Variants in CABCOCO1 observed in about 807,000 individuals in gnomAD.
CABCOCO1 encodes the protein ciliary-associated calcium-binding coiled-coil protein 1.
A neutral mutation model predicts 35.7 loss-of-function variants in CABCOCO1; 28 were observed. That is an observed-to-expected ratio of 0.78 (90% confidence interval 0.58 to 1.07). CABCOCO1 has a LOEUF of 1.07. Among genes scored for constraint, CABCOCO1 ranks in the 50% least tolerant of loss-of-function variants. CABCOCO1 has a pLI of 0.00. For synonymous variants in CABCOCO1, 95 were observed against 100.1 expected, an observed-to-expected ratio of 0.95 and a Z score of 0.30; for missense variants, 326 against 309.2, an observed-to-expected ratio of 1.05 and a Z score of -0.41.
chr10:61,728,331 T>C (rs1315024954), intron 5 of CABCOCO1, among the ~76,000 whole-genome samples: 1 of 152,184 alleles, frequency 6.6e-6, no homozygotes, highest in Non-Finnish European at 1.5e-5. Flanking sequence ...CATTTGGTAA[T>C]AAAATACCTT....
At chr10:61,684,497 T>C (rs555048529) in intron 3 of CABCOCO1, among the ~76,000 whole-genome samples, 2 of 152,316 alleles carry the variant, frequency 1.3e-5, no homozygotes, top group Admixed American at 1.3e-4. Context: ...TGTGTTCTCA[T>C]AACTGTTTTA....
intron 5 of CABCOCO1, among the ~76,000 whole-genome samples, chr10:61,691,728 G>A (rs1327291566): frequency 5.9e-5 from 9 of 151,966 alleles, no homozygotes; most frequent in Non-Finnish European, 1.3e-4. Context: ...CCACTTATGA[G>A]TGAGAACATG....
intron 5 of CABCOCO1, among the ~76,000 whole-genome samples, chr10:61,742,224 A>C (rs923060860): frequency 2.0e-5 from 3 of 152,164 alleles, no homozygotes; most frequent in Non-Finnish European, 4.4e-5. Flanking sequence ...TGAGTGAAGA[A>C]AAAAAGCTTC....
rs1842112406 is a variant in CABCOCO1 at position 61,766,383 on chromosome 10, A to C, written c.*370A>C. 1 of 159,930 alleles carries C rather than the reference A, an allele frequency of 6.3e-6. No homozygotes were observed. Among genetic ancestry groups the C allele is most frequent in the South Asian group, 1.9e-4 (1 of 5,384 alleles). 9.9% of individuals were successfully genotyped at this position (159,930 alleles called of 1,614,324 possible). ...TAACCAGAAATAAAGAAAGATGATAATAACTTCATCCATTTTGACCCAAAC... is the reference window on the plus strand; with the variant it reads ...TAACCAGAAATAAAGAAAGATGATACTAACTTCATCCATTTTGACCCAAAC... On this transcript the variant is annotated 3_prime_UTR_variant, in exon 8 of 8. Coordinates refer to ENST00000648843, the MANE Select transcript of CABCOCO1 (RefSeq NM_001366906.2).
At chr10:61,678,363 A>G (rs1052669996) in intron 2 of CABCOCO1, among the ~76,000 whole-genome samples, 1 of 152,184 alleles carries the variant, frequency 6.6e-6, no homozygotes, top group Non-Finnish European at 1.5e-5. Flanking sequence ...TTGCCAAATG[A>G]TGTCCAGTGC....
At chr10:61,697,927 A>G (rs1840339321) in intron 5 of CABCOCO1, among the ~76,000 whole-genome samples, 1 of 152,156 alleles carries the variant, frequency 6.6e-6, no homozygotes, top group African/African-American at 2.4e-5. Context: ...AACTAGGTTT[A>G]CTAAAAAGTC....
At chr10:61,707,310 G>C (rs773164315) in intron 5 of CABCOCO1, among the ~76,000 whole-genome samples, 5 of 152,184 alleles carry the variant, frequency 3.3e-5, no homozygotes, top group Non-Finnish European at 5.9e-5. Context: ...CCAGCACTCA[G>C]GAGTGTCATT....
intron 1 of CABCOCO1, among the ~76,000 whole-genome samples, chr10:61,671,686 G>A (rs186171499): frequency 1.3e-3 from 192 of 152,100 alleles, no homozygotes; most frequent in Non-Finnish European, 2.0e-3. Flanking sequence ...GCAGCCCAAC[G>A]CTTCATCCCT....
At chr10:61,759,379 A>C (rs2132091596) in intron 5 of CABCOCO1, among the ~76,000 whole-genome samples, 1 of 152,198 alleles carries the variant, frequency 6.6e-6, no homozygotes, top group East Asian at 1.9e-4. Context: ...CCCCCAAGTC[A>C]GAGTGAGATG....
chr10:61,679,959 GA>G (rs1228101295), intron 2 of CABCOCO1, among the ~76,000 whole-genome samples: 42 of 151,946 alleles, frequency 2.8e-4, no homozygotes, highest in Non-Finnish European at 6.0e-4. Context: ...AGGTTGAAGA[GA>G]AAATTATAAC....
chr10:61,756,793 T>C (rs1208224824), intron 5 of CABCOCO1, among the ~76,000 whole-genome samples: 1 of 152,024 alleles, frequency 6.6e-6, no homozygotes, highest in African/African-American at 2.4e-5. Flanking sequence ...GGGAGGTTGC[T>C]AAATCAGGGT....
chr10:61,748,171 A>C (rs951069581), intron 5 of CABCOCO1, among the ~76,000 whole-genome samples: 1 of 151,550 alleles, frequency 6.6e-6, no homozygotes, highest in East Asian at 1.9e-4. Flanking sequence ...GAAAAAAAAA[A>C]CCCTAAAATT....
intron 5 of CABCOCO1, among the ~76,000 whole-genome samples, chr10:61,715,980 T>C (rs1053707992): frequency 1.3e-5 from 2 of 152,114 alleles, no homozygotes; most frequent in Non-Finnish European, 2.9e-5. Flanking sequence ...AATCTGACAA[T>C]TATGTTTCTT....
At chr10:61,765,125 C>T (rs1029579469) in intron 7 of CABCOCO1, among the ~76,000 whole-genome samples, 7 of 152,082 alleles carry the variant, frequency 4.6e-5, no homozygotes, top group African/African-American at 1.7e-4. Context: ...ACTCCTTATA[C>T]AGCGGTAGAC....
chr10:61,706,541 T>C (rs940523503), intron 5 of CABCOCO1, among the ~76,000 whole-genome samples: 2 of 152,178 alleles, frequency 1.3e-5, no homozygotes, highest in Admixed American at 1.3e-4. Context: ...TAATTGAACA[T>C]AGCTGCTTCC....
chr10:61,689,746 T>TA (rs2131992906), intron 4 of CABCOCO1, among the ~76,000 whole-genome samples: 1 of 152,302 alleles, frequency 6.6e-6, no homozygotes, highest in East Asian at 1.9e-4. Context: ...ATGAGTCTAT[T>TA]AATTTTCTCA....
Position 61,752,994 on chromosome 10 carries a change from G to A in CABCOCO1, c.553-7065G>A, listed in dbSNP as rs541852637. On this transcript the variant is annotated intron_variant, in intron 5 of 7. Coordinates refer to ENST00000648843, the MANE Select transcript of CABCOCO1 (RefSeq NM_001366906.2). ...GAAGTGCATGAAAAAAGAAAGACTC[G>A]AACCAAGGACCTAGAGTTCTTCCAT... Among the ~76,000 whole-genome samples, 5 of 152,168 alleles carry A rather than the reference G, an allele frequency of 3.3e-5. No homozygotes were observed. The South Asian group carries it at 8.3e-4, about 25-fold the overall frequency.
intron 5 of CABCOCO1, among the ~76,000 whole-genome samples, chr10:61,759,169 A>G (rs1841957725): frequency 1.3e-5 from 2 of 152,022 alleles, no homozygotes. Context: ...GCTCCTATAA[A>G]GCAAAACAAT....
At chr10:61,742,314 CTA>C (rs1269812440) in intron 5 of CABCOCO1, among the ~76,000 whole-genome samples, 3 of 152,156 alleles carry the variant, frequency 2.0e-5, no homozygotes, top group African/African-American at 4.8e-5. Flanking sequence ...CCACATTAGA[CTA>C]TAAACTCAAA....
Sources: gnomAD v4.1 joint callset for allele counts (sites outside exome capture counted in the v4.1 genomes callset) on GRCh38, gnomAD v4.1.1 for gene constraint, MANE v1.5 for transcripts, NCBI Gene and HGNC (gene_info 2026-07-23, HGNC 2026-07-21) for gene names.